Variants in FBXL20 observed in about 807,000 individuals in gnomAD.
The protein encoded by FBXL20 is F-box and leucine rich repeat protein 20.
Under a neutral mutation model 64.0 loss-of-function variants are expected in FBXL20, and 11 were observed. That is an observed-to-expected ratio of 0.17 (90% CI 0.11 to 0.28). The LOEUF (loss-of-function observed/expected upper bound fraction) is 0.28. Among genes scored for constraint, FBXL20 ranks in the 10% least tolerant of loss-of-function variants. FBXL20 has a pLI of 1.00. For synonymous variants in FBXL20, 184 were observed against 189.0 expected, an observed-to-expected ratio of 0.97 and a Z score of 0.22; for missense variants, 303 against 526.2, an observed-to-expected ratio of 0.58 and a Z score of 4.15.
At chr17:39,324,649 G>T (rs560991208) in intron 2 of FBXL20, among the ~76,000 whole-genome samples, 57 of 152,262 alleles carry the variant, frequency 3.7e-4, no homozygotes, top group Admixed American at 1.3e-3. Flanking sequence ...ATAAAATTGT[G>T]AATTTAGAGT....
chr17:39,280,422 A>AG (rs1567861989), intron 9 of FBXL20, among the ~76,000 whole-genome samples: 2 of 140,734 alleles, frequency 1.4e-5, no homozygotes, highest in Non-Finnish European at 1.5e-5. Context: ...AAAAAAAAAA[A>AG]GTAGCTGGGT....
chr17:39,332,682 C>A (rs908467487), intron 2 of FBXL20, among the ~76,000 whole-genome samples: 4 of 149,844 alleles, frequency 2.7e-5, no homozygotes, highest in African/African-American at 9.8e-5. Flanking sequence ...GCTGGGACTA[C>A]AGGTGCCCGC....
chr17:39,372,533 A>G (rs997306715), intron 1 of FBXL20, among the ~76,000 whole-genome samples: 1 of 151,282 alleles, frequency 6.6e-6, no homozygotes, highest in African/African-American at 2.4e-5. Flanking sequence ...AAAAAAAAAA[A>G]AAAAAAAAAT....
intron 10 of FBXL20, among the ~76,000 whole-genome samples, chr17:39,274,073 C>T (rs913846464): frequency 5.3e-5 from 8 of 151,964 alleles, no homozygotes; most frequent in African/African-American, 1.7e-4. Flanking sequence ...CAGGGTTTCG[C>T]CATGTTGCCC....
intron 6 of FBXL20, among the ~76,000 whole-genome samples, chr17:39,290,337 A>G (rs893660609): frequency 6.6e-6 from 1 of 152,016 alleles, no homozygotes; most frequent in African/African-American, 2.4e-5. Flanking sequence ...CTTTCCTATG[A>G]ATCCAATTAT....
At position 39,383,553 on chromosome 17, in the gene FBXL20, G is replaced by C. The variant is rs117786295; in HGVS notation, c.42+17808C>G. On this transcript the variant is annotated intron_variant, in intron 1 of 14. Transcript: ENST00000264658. ...TAGAATGAAGAGGATCAGTGTTATAGGTAGTGTCAGAGTCTCTTTTTGTGA... is the reference window on the plus strand; with the variant it reads ...TAGAATGAAGAGGATCAGTGTTATACGTAGTGTCAGAGTCTCTTTTTGTGA... 5.0e-3 allele frequency among the ~76,000 whole-genome samples: 756 copies of C among 151,650 alleles called. 8 individuals carry two copies. Among genetic ancestry groups the C allele is most frequent in the Non-Finnish European group, 8.4e-3 (573 of 67,906 alleles).
chr17:39,275,186 T>A (rs893108555), intron 9 of FBXL20, 86 bp from the exon 10 acceptor site: 2 of 1,386,624 alleles, frequency 1.4e-6, no homozygotes, highest in African/African-American at 3.0e-5. Context: ...GTGAAAATAA[T>A]CACCAAAAAG....
intron 1 of FBXL20, among the ~76,000 whole-genome samples, chr17:39,385,769 C>T (rs764084983): frequency 2.0e-5 from 3 of 152,184 alleles, no homozygotes; most frequent in Non-Finnish European, 4.4e-5. Flanking sequence ...AGGTGGCTCA[C>T]GCCTATAATC....
chr17:39,314,357 G>T (rs540720125), intron 2 of FBXL20, among the ~76,000 whole-genome samples: 251 of 152,108 alleles, frequency 1.7e-3, no homozygotes, highest in Non-Finnish European at 2.7e-3. Flanking sequence ...TATGCTTTTT[G>T]TTTTTTCAGA....
rs1355089687 is a variant in FBXL20, at chr17:39,329,793, C to T, written c.104+13387G>A. On this transcript the variant is annotated intron_variant, in intron 2 of 14. Coordinates refer to ENST00000264658, the MANE Select transcript of FBXL20 (RefSeq NM_032875.3). ...CAGGAGGATCACTTGAGGCCAGGAGCTCGAGACCAGCCTGAGCAACATAGC... is the reference window on the plus strand; with the variant it reads ...CAGGAGGATCACTTGAGGCCAGGAGTTCGAGACCAGCCTGAGCAACATAGC... Among the ~76,000 whole-genome samples, 3 of 152,012 alleles carry T rather than the reference C, an allele frequency of 2.0e-5. No individual in the cohort carries two copies. In the East Asian group the frequency reaches 5.8e-4, roughly 29 times the overall value.
chr17:39,271,860 G>C (rs919942081), intron 10 of FBXL20, among the ~76,000 whole-genome samples: 1 of 152,118 alleles, frequency 6.6e-6, no homozygotes, highest in African/African-American at 2.4e-5. Context: ...CTGTAAAATG[G>C]TAACAAAGAA....
intron 2 of FBXL20, among the ~76,000 whole-genome samples, chr17:39,337,674 C>T (rs1404986009): frequency 7.3e-5 from 11 of 151,668 alleles, no homozygotes; most frequent in African/African-American, 1.9e-4. Context: ...GCCTGGCAAC[C>T]GCCCCGTCTG....
At chr17:39,354,965 CTTG>C (rs2047721815) in intron 1 of FBXL20, among the ~76,000 whole-genome samples, 1 of 152,164 alleles carries the variant, frequency 6.6e-6, no homozygotes, top group Admixed American at 6.5e-5. Flanking sequence ...GAGTTTTGCT[CTTG>C]TTGTCCAGGC....
chr17:39,401,784 A>C (rs2144698666), upstream of FBXL20: 16 of 932,882 alleles, frequency 1.7e-5, no homozygotes, highest in Middle Eastern at 4.6e-4. Context: ...CCTCCCCCAC[A>C]CGGGGCCGGC....
At chr17:39,351,861 T>C (rs763151621) in intron 1 of FBXL20, among the ~76,000 whole-genome samples, 3 of 152,194 alleles carry the variant, frequency 2.0e-5, no homozygotes, top group Non-Finnish European at 2.9e-5. Flanking sequence ...CTTAAATATA[T>C]TGGTTTTTAA....
chr17:39,377,990 C>T (rs867834038), intron 1 of FBXL20, among the ~76,000 whole-genome samples: 2 of 151,842 alleles, frequency 1.3e-5, no homozygotes, highest in African/African-American at 4.8e-5. Context: ...CTAGCCTGGG[C>T]GACAGAGCAA....
intron 1 of FBXL20, among the ~76,000 whole-genome samples, chr17:39,374,815 G>GTC (rs957238497): frequency 9.9e-5 from 15 of 152,118 alleles, no homozygotes; most frequent in African/African-American, 3.1e-4. Context: ...CTGAGATGGA[G>GTC]TCTCTCTCTC....
At chr17:39,342,497 C>T (rs1436481390) in intron 2 of FBXL20, among the ~76,000 whole-genome samples, 8 of 151,988 alleles carry the variant, frequency 5.3e-5, no homozygotes, top group South Asian at 2.1e-4. Flanking sequence ...AGGCAGATCA[C>T]GAGGTCAGGA....
chr17:39,381,466 T>A (rs569259092), intron 1 of FBXL20, among the ~76,000 whole-genome samples: 59 of 116,120 alleles, frequency 5.1e-4, no homozygotes, highest in African/African-American at 1.9e-3. Flanking sequence ...GGTAATACAG[T>A]GAGACTCTGT....
Sources: allele counts gnomAD v4.1 joint callset (sites outside exome capture counted in the v4.1 genomes callset), GRCh38; gene constraint gnomAD v4.1.1; transcripts MANE v1.5; gene names NCBI Gene and HGNC (gene_info 2026-07-23, HGNC 2026-07-21).